The following NAALAD2 variants were observed in gnomAD, a reference collection of about 807,000 sequenced individuals.
NAALAD2 encodes the protein N-acetylated-alpha-linked acidic dipeptidase 2.
A neutral mutation model predicts 95.6 loss-of-function variants in NAALAD2; 89 were observed. The ratio of observed to expected loss-of-function variants is 0.93; its 90% confidence interval spans 0.78 to 1.11. The LOEUF is 1.11. Ranked by LOEUF, NAALAD2 falls within the 50% of genes least tolerant of loss-of-function variation. The pLI is 0.00. For missense variants in NAALAD2, 894 were observed against 872.4 expected (o/e 1.02, Z -0.31); for synonymous variants, 264 against 294.4 (o/e 0.90, Z 1.06).
chr11:90,137,442 T>C (rs1413135018), intron 2 of NAALAD2, among the ~76,000 whole-genome samples: 3 of 152,252 alleles, frequency 2.0e-5, no homozygotes, highest in Non-Finnish European at 4.4e-5. Context: ...TCATTACTTA[T>C]TGTATGCTTG....
At chr11:90,175,948 G>GTGTGTGTA in intron 14 of NAALAD2, 24 bp from the exon 15 acceptor site, 1 of 1,403,126 alleles carries the variant, frequency 7.1e-7, no homozygotes, top group Non-Finnish European at 1.0e-6. Context: ...GTGTGTGTGT[G>GTGTGTGTA]TGTGGATTGC....
upstream of NAALAD2, chr11:90,134,586 C>A (rs975402766): frequency 2.7e-5 from 16 of 599,416 alleles, no homozygotes; most frequent in African/African-American, 3.0e-4. Context: ...TTTCCCCCAT[C>A]GAGGGCCCCT....
chr11:90,136,839 A>G (rs1951464231), intron 2 of NAALAD2, among the ~76,000 whole-genome samples: 1 of 152,176 alleles, frequency 6.6e-6, no homozygotes, highest in Non-Finnish European at 1.5e-5. Context: ...GCCTAAGATA[A>G]GTGAAAAGTG....
intron 15 of NAALAD2, among the ~76,000 whole-genome samples, chr11:90,176,662 T>G (rs1952801292): frequency 6.6e-6 from 1 of 152,200 alleles, no homozygotes. Flanking sequence ...CCATGTTTGC[T>G]CATCAATGTT....
At chr11:90,181,722 TTTTTAAAAA>T in intron 17 of NAALAD2, 21 bp downstream of exon 17, 1 of 1,394,172 alleles carries the variant, frequency 7.2e-7, no homozygotes, top group Non-Finnish European at 9.7e-7. Flanking sequence ...AATCCCTTTT[TTTTTAAAAA>T]AAAAAAAAAA....
rs764865663 is a variant in NAALAD2, at chr11:90,191,627, T to C, written c.2103T>C (p.Ala701=). Residue 701 remains alanine (A), a synonymous_variant, in exon 19 of 19, where the codon GCT becomes GCC. Transcript: ENST00000534061. ...AATCATTTCCTGGAATCTATGATGC[T>C]ATCTTTGATATTGAAAATAAAGCCA... ...AGESFPGIYD[A]IFDIENKANS... The C allele has an allele frequency of 4.0e-5, 65 of 1,607,646 alleles. No individual in the cohort carries two copies. The highest frequency in any genetic ancestry group is 5.4e-5 in the Non-Finnish European group (64 of 1,177,056).
intron 18 of NAALAD2, among the ~76,000 whole-genome samples, chr11:90,184,962 T>C (rs965950274): frequency 2.6e-5 from 4 of 152,154 alleles, no homozygotes; most frequent in African/African-American, 9.7e-5. Flanking sequence ...GCATTTACAT[T>C]GTATTAGGTG....
intron 3 of NAALAD2, among the ~76,000 whole-genome samples, chr11:90,147,836 G>T (rs1951784478): frequency 6.6e-6 from 1 of 152,162 alleles, no homozygotes; most frequent in Admixed American, 6.6e-5. Context: ...GTTTCCTGAA[G>T]TCTTGACACG....
intron 15 of NAALAD2, among the ~76,000 whole-genome samples, chr11:90,177,637 G>C (rs1380082974): frequency 2.1e-5 from 1 of 47,994 alleles, no homozygotes; most frequent in African/African-American, 8.6e-5. Context: ...ATTTTTAGTA[G>C]AGACAGGGTT....
intron 2 of NAALAD2, among the ~76,000 whole-genome samples, chr11:90,138,836 A>G (rs1014542126): frequency 6.9e-6 from 1 of 144,486 alleles, no homozygotes; most frequent in African/African-American, 2.6e-5. Context: ...CAACATCTGC[A>G]CACAGTTTTC....
chr11:90,191,459 A>G, intron 18 of NAALAD2, 99 bp from the exon 19 acceptor site: 1 of 774,818 alleles, frequency 1.3e-6, no homozygotes, highest in Non-Finnish European at 1.9e-6. Context: ...ATAGGAACAA[A>G]AGTGAGTATC....
chr11:90,135,002 A>G, intron 1 of NAALAD2, 162 bp downstream of exon 1: 10 of 670,256 alleles, frequency 1.5e-5, no homozygotes, highest in South Asian at 1.1e-4. Context: ...TAGAAACCAG[A>G]TGGAATGTAT....
intron 1 of NAALAD2, 47 bp downstream of exon 1, chr11:90,134,887 C>T: frequency 1.3e-6 from 2 of 1,595,802 alleles, no homozygotes; most frequent in Non-Finnish European, 1.7e-6. Context: ...TCGTGATTCT[C>T]TGCAGAGATA....
At chr11:90,155,867 AATATGTAATGT>A (rs1783666552) in intron 6 of NAALAD2, among the ~76,000 whole-genome samples, 3 of 140,840 alleles carry the variant, frequency 2.1e-5, no homozygotes, top group Admixed American at 1.5e-4. Context: ...TATTATATAT[AATATGTAATGT>A]ATATGTAATA....
At chr11:90,167,982 T>C (rs1430168605) in intron 11 of NAALAD2, among the ~76,000 whole-genome samples, 7 of 152,164 alleles carry the variant, frequency 4.6e-5, no homozygotes, top group Non-Finnish European at 8.8e-5. Context: ...GGGGTCTCCT[T>C]CCACGTTGTG....
intron 2 of NAALAD2, among the ~76,000 whole-genome samples, chr11:90,146,830 G>A (rs1217013043): frequency 6.6e-6 from 1 of 152,052 alleles, no homozygotes; most frequent in Non-Finnish European, 1.5e-5. Flanking sequence ...CAAGAACTAA[G>A]CACTAGGGGA....
chr11:90,134,685 C>G lies in NAALAD2; in HGVS notation c.-74C>G. 1 of 1,460,978 alleles carries G rather than the reference C, an allele frequency of 6.8e-7. No individual in the cohort carries two copies. 90.5% of individuals were successfully genotyped at this position (1,460,978 alleles called of 1,614,324 possible). Reference sequence around the variant, plus strand: ...CCCAGAGCTCACAGCCTCCTGCCAGCGCGCTCTCTGTTTCTCTGCAGCCCC... The same window carrying G: ...CCCAGAGCTCACAGCCTCCTGCCAGGGCGCTCTCTGTTTCTCTGCAGCCCC... On this transcript the variant is annotated 5_prime_UTR_variant, in exon 1 of 19. Coordinates refer to ENST00000534061, the MANE Select transcript of NAALAD2 (RefSeq NM_005467.4).
intron 13 of NAALAD2, among the ~76,000 whole-genome samples, chr11:90,172,353 C>T: frequency 6.6e-6 from 1 of 152,164 alleles, no homozygotes; most frequent in East Asian, 1.9e-4. Context: ...GTGACCACTT[C>T]CCAGCCCTAC....
At chr11:90,161,214 C>A (rs1045400916) in intron 8 of NAALAD2, among the ~76,000 whole-genome samples, 2 of 149,640 alleles carry the variant, frequency 1.3e-5, no homozygotes, top group African/African-American at 4.8e-5. Context: ...AGTGGAGCCT[C>A]CAAAAGTCTT....
Sources: allele counts gnomAD v4.1 joint callset (sites outside exome capture counted in the v4.1 genomes callset), GRCh38; gene constraint gnomAD v4.1.1; transcripts MANE v1.5; gene names NCBI Gene and HGNC (gene_info 2026-07-23, HGNC 2026-07-21).